SUGCT: variants seen among roughly 807,000 people sequenced by gnomAD.
SUGCT encodes succinyl-CoA:glutarate-CoA transferase.
Under a neutral mutation model 55.0 loss-of-function variants are expected in SUGCT, and 41 were observed. That is an observed-to-expected ratio of 0.74 (90% CI 0.58 to 0.97). The LOEUF is 0.97. Among genes scored for constraint, SUGCT ranks in the 50% least tolerant of loss-of-function variants. SUGCT has a pLI of 0.00. For missense variants in SUGCT, 568 were observed against 547.8 expected, an observed-to-expected ratio of 1.04 and a Z score of -0.37; for synonymous variants, 187 against 200.4, an observed-to-expected ratio of 0.93 and a Z score of 0.56.
chr7:40,441,415 A>C (rs952565556), intron 9 of SUGCT, among the ~76,000 whole-genome samples: 1 of 152,138 alleles, frequency 6.6e-6, no homozygotes, highest in South Asian at 2.1e-4. Context: ...AAATTTAATA[A>C]TTTTTTATTT....
intron 7 of SUGCT, among the ~76,000 whole-genome samples, chr7:40,247,513 C>T (rs569459966): frequency 9.9e-5 from 15 of 152,272 alleles, no homozygotes; most frequent in Non-Finnish European, 1.6e-4. Context: ...CCGCCTGGAC[C>T]TCCCGAAGTC....
At chr7:40,611,494 T>G (rs928939920) in intron 12 of SUGCT, among the ~76,000 whole-genome samples, 1 of 152,214 alleles carries the variant, frequency 6.6e-6, no homozygotes. Flanking sequence ...TTACTGGATC[T>G]TCATGTGGAG....
chr7:40,561,505 A>G (rs553402220), intron 12 of SUGCT, among the ~76,000 whole-genome samples: 10 of 152,142 alleles, frequency 6.6e-5, no homozygotes, highest in Middle Eastern at 3.4e-3. Context: ...TTGAACATCT[A>G]TTATGTGCCA....
intron 12 of SUGCT, among the ~76,000 whole-genome samples, chr7:40,564,621 A>G (rs1229247619): frequency 6.6e-6 from 1 of 152,220 alleles, no homozygotes; most frequent in East Asian, 1.9e-4. Context: ...TGTCCTTTAC[A>G]TCACCATTTA....
At chr7:40,265,812 A>G (rs1394694965) in intron 7 of SUGCT, among the ~76,000 whole-genome samples, 2 of 152,130 alleles carry the variant, frequency 1.3e-5, no homozygotes, top group Non-Finnish European at 2.9e-5. Flanking sequence ...TTAGCAGGGC[A>G]TGATGGCATG....
At chr7:40,587,333 C>A (rs1401844880) in intron 12 of SUGCT, among the ~76,000 whole-genome samples, 1 of 152,132 alleles carries the variant, frequency 6.6e-6, no homozygotes, top group African/African-American at 2.4e-5. Context: ...CAAAGACAGA[C>A]TTACAAGTAG....
At chr7:40,382,263 A>T (rs948184381) in intron 9 of SUGCT, among the ~76,000 whole-genome samples, 12 of 152,060 alleles carry the variant, frequency 7.9e-5, no homozygotes, top group African/African-American at 2.9e-4. Flanking sequence ...TGTGACAATT[A>T]TGTTGTCAGG....
the SUGCT span, among the ~76,000 whole-genome samples, chr7:40,982,138 A>G: frequency 8.4e-4 from 62 of 73,718 alleles, no homozygotes; most frequent in Non-Finnish European, 1.8e-3. Context: ...TTCAACGTAT[A>G]TAAAGCACTT....
intron 13 of SUGCT, among the ~76,000 whole-genome samples, chr7:40,813,009 C>T (rs891816418): frequency 2.0e-5 from 3 of 151,928 alleles, no homozygotes; most frequent in South Asian, 2.1e-4. Context: ...CTTTCATTTG[C>T]CCTTGGCTTT....
At chr7:40,209,518 C>T (rs886372366) in intron 6 of SUGCT, among the ~76,000 whole-genome samples, 36 of 142,348 alleles carry the variant, frequency 2.5e-4, no homozygotes, top group East Asian at 1.5e-3. Context: ...ACAAACATGC[C>T]GGGCACGGTG....
intron 12 of SUGCT, among the ~76,000 whole-genome samples, chr7:40,623,671 C>T (rs1799379579): frequency 1.3e-5 from 2 of 152,106 alleles, no homozygotes; most frequent in South Asian, 2.1e-4. Flanking sequence ...TAATCTTAAA[C>T]TTGCCTTTTA....
intron 13 of SUGCT, among the ~76,000 whole-genome samples, chr7:40,752,335 T>C (rs1184358959): frequency 6.6e-6 from 1 of 152,162 alleles, no homozygotes; most frequent in Non-Finnish European, 1.5e-5. Flanking sequence ...TGCATCTTAT[T>C]AGTCCAAGCA....
At chr7:40,971,248 A>T in the SUGCT span, among the ~76,000 whole-genome samples, 1 of 152,100 alleles carries the variant, frequency 6.6e-6, no homozygotes, top group Non-Finnish European at 1.5e-5. Context: ...ACCAGGTCTC[A>T]TGTGAGCCCA....
At chr7:40,266,888 A>C (rs1001704486) in intron 7 of SUGCT, among the ~76,000 whole-genome samples, 7 of 152,028 alleles carry the variant, frequency 4.6e-5, no homozygotes, top group African/African-American at 1.7e-4. Context: ...GGTGACATGC[A>C]TTTGTAGTCC....
chr7:40,659,290 T>G (rs79325702), intron 12 of SUGCT, among the ~76,000 whole-genome samples: 4,418 of 152,230 alleles, frequency 0.029, 214 homozygotes, highest in African/African-American at 0.1. Context: ...TGTGGAGGTG[T>G]AGTCATCTGA....
the SUGCT span, among the ~76,000 whole-genome samples, chr7:40,939,664 T>C: frequency 6.6e-6 from 1 of 152,146 alleles, no homozygotes; most frequent in African/African-American, 2.4e-5. Flanking sequence ...TTTCATATGT[T>C]TGTTGGCCAT....
chr7:40,185,786 G>T (rs1258687972), intron 3 of SUGCT, among the ~76,000 whole-genome samples: 2 of 152,120 alleles, frequency 1.3e-5, no homozygotes, highest in African/African-American at 2.4e-5. Context: ...GCCTCCCAAA[G>T]TGCTGGGATT....
At chr7:40,363,546 A>AT (rs1798259993) in intron 9 of SUGCT, among the ~76,000 whole-genome samples, 1 of 152,112 alleles carries the variant, frequency 6.6e-6, no homozygotes, top group Non-Finnish European at 1.5e-5. Context: ...GAACATCTTT[A>AT]TTTCTGCCTT....
At chr7:40,642,691 G>A (rs989680078) in intron 12 of SUGCT, among the ~76,000 whole-genome samples, 1 of 152,186 alleles carries the variant, frequency 6.6e-6, no homozygotes. Context: ...TAAAGTGCCA[G>A]TATTTGGCCA....
Sources: allele counts gnomAD v4.1 joint callset (sites outside exome capture counted in the v4.1 genomes callset), GRCh38; gene constraint gnomAD v4.1.1; transcripts MANE v1.5; gene names NCBI Gene and HGNC (gene_info 2026-07-23, HGNC 2026-07-21).